PDE4B: variants seen among roughly 807,000 people sequenced by gnomAD.
PDE4B encodes phosphodiesterase 4B.
PDE4B carries 20 observed loss-of-function variants against 82.2 expected under a neutral mutation model. The observed-to-expected ratio is 0.24, with a 90% CI of 0.17 to 0.35. The LOEUF (loss-of-function observed/expected upper bound fraction) is 0.35. Ranked by LOEUF, PDE4B falls within the 10% of genes least tolerant of loss-of-function variation. PDE4B has a pLI of 1.00. For synonymous variants in PDE4B, 320 were observed against 318.9 expected (o/e 1.00, Z -0.04); for missense variants, 655 against 907.2 (o/e 0.72, Z 3.57).
intron 3 of PDE4B, among the ~76,000 whole-genome samples, chr1:66,049,951 A>G (rs778405990): frequency 1.8e-4 from 28 of 152,032 alleles, no homozygotes; most frequent in Non-Finnish European, 2.9e-4. Flanking sequence ...TAGTGTGAAA[A>G]CTCCACACAA....
intron 3 of PDE4B, among the ~76,000 whole-genome samples, chr1:65,944,491 G>A (rs1028477942): frequency 1.3e-5 from 2 of 151,926 alleles, no homozygotes; most frequent in African/African-American, 2.4e-5. Context: ...TGTAGCTCAA[G>A]AGCAAGATTA....
At chr1:66,352,127 C>A (rs760591277) in intron 8 of PDE4B, among the ~76,000 whole-genome samples, 3 of 152,108 alleles carry the variant, frequency 2.0e-5, no homozygotes, top group Non-Finnish European at 4.4e-5. Context: ...AGGAGGAAAA[C>A]CAACAGTTGT....
Position 66,233,843 on chromosome 1 carries a change from C to G in PDE4B, c.282-13617C>G, listed in dbSNP as rs149463709. Among the ~76,000 whole-genome samples, 417 of 152,198 alleles carry G rather than the reference C, an allele frequency of 2.7e-3. 4 individuals are homozygous for G. Among genetic ancestry groups the G allele is most frequent in the African/African-American group, 9.6e-3 (397 of 41,518 alleles). On this transcript the variant is annotated intron_variant, in intron 3 of 16. Transcript: ENST00000341517. The stretch of plus-strand genomic sequence containing the variant: ...ATTGATTTTTTTTTGTCTGTTATAA[C>G]AACCTTGTATTCCTTGGATACACCC...
chr1:66,021,187 T>C (rs908316091), intron 3 of PDE4B, among the ~76,000 whole-genome samples: 1 of 152,256 alleles, frequency 6.6e-6, no homozygotes, highest in Non-Finnish European at 1.5e-5. Flanking sequence ...TGTAAATTTG[T>C]TTAAGTTCAT....
intron 1 of PDE4B, among the ~76,000 whole-genome samples, chr1:65,800,107 G>T (rs1455535065): frequency 6.6e-6 from 1 of 152,018 alleles, no homozygotes; most frequent in East Asian, 1.9e-4. Flanking sequence ...AAAAACAAAA[G>T]CACATCCATG....
At chr1:65,902,582 A>G (rs1646983633) in intron 1 of PDE4B, among the ~76,000 whole-genome samples, 1 of 152,108 alleles carries the variant, frequency 6.6e-6, no homozygotes, top group Admixed American at 6.6e-5. Context: ...TCTGTCATAT[A>G]ACTGATTGTA....
intron 3 of PDE4B, among the ~76,000 whole-genome samples, chr1:66,057,401 G>T (rs1198624028): frequency 6.6e-6 from 1 of 151,968 alleles, no homozygotes; most frequent in Non-Finnish European, 1.5e-5. Context: ...TTTCTTTCTT[G>T]GTTTGCAGTT....
At chr1:66,124,918 C>CGTGTGT (rs58795750) in intron 3 of PDE4B, among the ~76,000 whole-genome samples, 37,780 of 147,846 alleles carry the variant, frequency 0.26, 5,697 homozygotes, top group Middle Eastern at 0.37. Context: ...TGTGTGTATG[C>CGTGTGT]GTGTGTGTGT....
At chr1:66,295,086 C>G (rs1657404823) in intron 7 of PDE4B, among the ~76,000 whole-genome samples, 1 of 152,090 alleles carries the variant, frequency 6.6e-6, no homozygotes, top group Non-Finnish European at 1.5e-5. Flanking sequence ...ATGTGTATGG[C>G]CACTTGAGAT....
At chr1:66,275,030 C>G (rs1655777613) in intron 7 of PDE4B, among the ~76,000 whole-genome samples, 1 of 152,038 alleles carries the variant, frequency 6.6e-6, no homozygotes, top group Non-Finnish European at 1.5e-5. Context: ...CCAGCTCATA[C>G]ATGGGAAAGC....
intron 3 of PDE4B, chr1:66,152,609 C>CATATATAAATATATATATGTAT (rs1557596975): frequency 1.4e-5 from 2 of 144,798 alleles, no homozygotes; most frequent in African/African-American, 6.0e-5. Context: ...TGTGTATACA[C>CATATATAAATATATATATGTAT]ATATATATAT....
At chr1:66,186,150 A>G (rs1411483885) in intron 3 of PDE4B, among the ~76,000 whole-genome samples, 2 of 152,134 alleles carry the variant, frequency 1.3e-5, no homozygotes, top group Non-Finnish European at 2.9e-5. Context: ...AGTTTTAGAT[A>G]TGCGGCATTA....
chr1:66,285,482 A>G (rs539312208), intron 7 of PDE4B, among the ~76,000 whole-genome samples: 5 of 151,858 alleles, frequency 3.3e-5, no homozygotes, highest in Non-Finnish European at 2.9e-5. Context: ...GAAATTTTCA[A>G]CTCTCACACC....
At chr1:66,203,087 T>C (rs1084495) in intron 3 of PDE4B, among the ~76,000 whole-genome samples, 68,689 of 149,560 alleles carry the variant, frequency 0.46, 16,030 homozygotes, top group African/African-American at 0.53. Context: ...TAAAGTATTT[T>C]ATTTCTCCTT....
chr1:66,029,666 G>A (rs923777279), intron 3 of PDE4B, among the ~76,000 whole-genome samples: 2 of 152,024 alleles, frequency 1.3e-5, no homozygotes, highest in African/African-American at 4.8e-5. Flanking sequence ...TGAAATATAA[G>A]TCATATGTTA....
chr1:65,940,756 C>G (rs1469623239), intron 3 of PDE4B, among the ~76,000 whole-genome samples: 3 of 151,824 alleles, frequency 2.0e-5, no homozygotes, highest in African/African-American at 7.3e-5. Flanking sequence ...GGGTATAAAC[C>G]AAAAGATCAA....
intron 7 of PDE4B, among the ~76,000 whole-genome samples, chr1:66,302,495 G>A (rs1395093338): frequency 6.6e-6 from 1 of 152,114 alleles, no homozygotes; most frequent in African/African-American, 2.4e-5. Flanking sequence ...GTGGAAACAG[G>A]GAGTGGCCTG....
At chr1:66,014,574 A>G (rs886903915) in intron 3 of PDE4B, among the ~76,000 whole-genome samples, 17 of 152,132 alleles carry the variant, frequency 1.1e-4, no homozygotes, top group Non-Finnish European at 2.2e-4. Flanking sequence ...TAAAGAAAAA[A>G]ACCATACAGA....
At chr1:66,041,905 C>T (rs1251541838) in intron 3 of PDE4B, among the ~76,000 whole-genome samples, 1 of 150,994 alleles carries the variant, frequency 6.6e-6, no homozygotes, top group Non-Finnish European at 1.5e-5. Flanking sequence ...TCAGTAGGTT[C>T]AAAGAATAAA....
Sources: allele counts gnomAD v4.1 joint callset (sites outside exome capture counted in the v4.1 genomes callset), GRCh38; gene constraint gnomAD v4.1.1; transcripts MANE v1.5; gene names NCBI Gene and HGNC (gene_info 2026-07-23, HGNC 2026-07-21).